Variants in CPM observed in about 807,000 individuals in gnomAD.
CPM encodes the protein renal carboxypeptidase.
In CPM, 35 loss-of-function variants were observed where a neutral mutation model predicts 46.4. The ratio of observed to expected loss-of-function variants is 0.75; its 90% CI spans 0.58 to 1.00. The LOEUF is 1.00. Ranked by LOEUF, CPM falls within the 50% of genes least tolerant of loss-of-function variation. The probability of loss-of-function intolerance (pLI) is 0.00; values close to 1 mark genes in which losing one functional copy is unlikely to be tolerated. For synonymous variants in CPM, 195 were observed against 195.3 expected, an observed-to-expected ratio of 1.00 and a Z score of 0.01; for missense variants, 422 against 530.4, an observed-to-expected ratio of 0.80 and a Z score of 2.01.
intron 2 of CPM, among the ~76,000 whole-genome samples, chr12:68,893,046 A>C (rs1317436098): frequency 2.6e-5 from 4 of 151,828 alleles, no homozygotes; most frequent in Non-Finnish European, 4.4e-5. Context: ...TGACAGGTTG[A>C]TAAGGTGCAG....
chr12:68,935,243 ATTGTTTGTT>A (rs1269154280), upstream of CPM, among the ~76,000 whole-genome samples: 4 of 147,918 alleles, frequency 2.7e-5, no homozygotes, highest in Non-Finnish European at 6.0e-5. Flanking sequence ...AAGTTGTTTT[ATTGTTTGTT>A]TGTTTGTTTG....
At chr12:68,939,069 C>T (rs1401815129) in intron 1 of CPM, among the ~76,000 whole-genome samples, 3 of 145,926 alleles carry the variant, frequency 2.1e-5, no homozygotes, top group African/African-American at 5.0e-5. Context: ...TATGTACATA[C>T]ATCTATATAT....
At chr12:68,941,696 A>G (rs1888764547) in intron 1 of CPM, among the ~76,000 whole-genome samples, 1 of 152,158 alleles carries the variant, frequency 6.6e-6, no homozygotes, top group African/African-American at 2.4e-5. Context: ...ATGCTGCTCA[A>G]TGATTCTTTC....
At chr12:68,843,561 T>C (rs1883993590) in intron 5 of CPM, 1 of 226,964 alleles carries the variant, frequency 4.4e-6, no homozygotes, top group Admixed American at 5.7e-5. Flanking sequence ...ATAACCATCT[T>C]GATTTAGTGT....
At chr12:68,938,702 AAT>A in intron 1 of CPM, among the ~76,000 whole-genome samples, 1 of 151,900 alleles carries the variant, frequency 6.6e-6, no homozygotes, top group East Asian at 1.9e-4. Context: ...TTCTCATACA[AAT>A]ATAGAGTAAG....
intron 6 of CPM, 98 bp downstream of exon 6, chr12:68,869,227 G>GC: frequency 9.5e-7 from 1 of 1,057,772 alleles, no homozygotes. Context: ...GGCCTATTGT[G>GC]CCTAAAGTTC....
chr12:68,955,262 T>C (rs61926317), intron 1 of CPM, among the ~76,000 whole-genome samples: 25,174 of 152,116 alleles, frequency 0.17, 2,184 homozygotes, highest in Middle Eastern at 0.2. Flanking sequence ...ACTCGCTTAG[T>C]GATTGTGGAT....
At chr12:68,881,317 A>G (rs1212404764) in intron 3 of CPM, among the ~76,000 whole-genome samples, 2 of 152,234 alleles carry the variant, frequency 1.3e-5, no homozygotes, top group African/African-American at 2.4e-5. Flanking sequence ...GTGGCATTCT[A>G]CAGGGCAGAC....
At position 68,908,776 on chromosome 12, in the gene CPM, C is replaced by T. The variant is rs145313169; in HGVS notation, c.161-22887G>A. On this transcript the variant is annotated intron_variant, in intron 2 of 8. Transcript: ENST00000551568. ...GCATAAAGAAAAGGACTGACGAATA[C>T]GATCTCATAAAAATTAAAAACTTCT... 4.6e-3 allele frequency among the ~76,000 whole-genome samples: 698 copies of T among 152,110 alleles called. 2 individuals carry two copies. Among genetic ancestry groups the T allele is most frequent in the Non-Finnish European group, 7.2e-3 (490 of 67,992 alleles).
intron 7 of CPM, 72 bp from the exon 8 acceptor site, chr12:68,859,143 A>G (rs977313910): frequency 3.6e-6 from 3 of 833,602 alleles, no homozygotes; most frequent in Non-Finnish European, 4.9e-6. Context: ...TAAATATTTA[A>G]GAACAATATA....
chr12:68,860,704 G>T (rs1055278440), intron 7 of CPM, among the ~76,000 whole-genome samples: 1 of 152,096 alleles, frequency 6.6e-6, no homozygotes, highest in Non-Finnish European at 1.5e-5. Flanking sequence ...GTGACAGAAA[G>T]AACCTAGTCA....
upstream of CPM, among the ~76,000 whole-genome samples, chr12:68,937,926 A>T (rs1592711485): frequency 6.6e-6 from 1 of 152,326 alleles, no homozygotes; most frequent in Admixed American, 6.5e-5. Flanking sequence ...TGAAAACAGG[A>T]TCAAAATATC....
intron 5 of CPM, chr12:68,843,794 A>G (rs1884021565): frequency 4.5e-6 from 1 of 221,790 alleles, no homozygotes; most frequent in African/African-American, 2.2e-5. Flanking sequence ...AGTTGATAAT[A>G]CTTCAGCTAC....
intron 2 of CPM, among the ~76,000 whole-genome samples, chr12:68,909,565 A>G (rs1403087611): frequency 6.6e-6 from 1 of 152,146 alleles, no homozygotes; most frequent in African/African-American, 2.4e-5. Context: ...TATTCACAAT[A>G]GCAAAGACTT....
At chr12:68,872,643 A>C (rs544684913) in intron 3 of CPM, among the ~76,000 whole-genome samples, 9 of 152,300 alleles carry the variant, frequency 5.9e-5, no homozygotes, top group African/African-American at 2.2e-4. Context: ...ACAGAGAAGC[A>C]CAGGAATCAC....
intron 3 of CPM, among the ~76,000 whole-genome samples, chr12:68,875,078 C>T (rs978072055): frequency 6.6e-6 from 1 of 152,014 alleles, no homozygotes; most frequent in Non-Finnish European, 1.5e-5. Flanking sequence ...AGGCCGGGCA[C>T]GGTGGCTCAT....
rs150990177 is a variant in CPM at position 68,856,092 on chromosome 12, AT to A, written c.*344del. 1.8e-3 allele frequency: 438 copies of A among 249,032 alleles called. 4 individuals are homozygous for A. Among genetic ancestry groups the A allele is most frequent in the Non-Finnish European group, 2.1e-3 (270 of 128,244 alleles). 15.4% of individuals were successfully genotyped at this position (249,032 alleles called of 1,614,324 possible). ...ATGTTCATCTTCATTGCTTATATTC[AT>A]CCGGTTCTCTGTATACAAAATGATC... On this transcript the variant is annotated 3_prime_UTR_variant, in exon 9 of 9. Transcript: ENST00000551568.
intron 1 of CPM, among the ~76,000 whole-genome samples, chr12:68,942,777 C>T (rs971511228): frequency 6.6e-6 from 1 of 152,210 alleles, no homozygotes; most frequent in Non-Finnish European, 1.5e-5. Flanking sequence ...GTCTTATCCC[C>T]TAGTGGTTTG....
chr12:68,866,221 T>C (rs1885436188), intron 7 of CPM, among the ~76,000 whole-genome samples: 1 of 152,222 alleles, frequency 6.6e-6, no homozygotes, highest in Non-Finnish European at 1.5e-5. Context: ...GCAAACATAG[T>C]ATTTTTCTAA....
Sources: allele counts gnomAD v4.1 joint callset (sites outside exome capture counted in the v4.1 genomes callset), GRCh38; gene constraint gnomAD v4.1.1; transcripts MANE v1.5; gene names NCBI Gene and HGNC (gene_info 2026-07-23, HGNC 2026-07-21).